Variants in ZMYM4 observed in about 807,000 individuals in gnomAD.
ZMYM4 encodes the protein zinc finger MYM-type containing 4.
In ZMYM4, 31 loss-of-function variants were observed where a neutral mutation model predicts 183.2. The ratio of observed to expected loss-of-function variants is 0.17; its 90% CI spans 0.13 to 0.23. The LOEUF (loss-of-function observed/expected upper bound fraction) is 0.23. Ranked by LOEUF, ZMYM4 falls within the 10% of genes least tolerant of loss-of-function variation. The probability of loss-of-function intolerance (pLI) is 1.00; values close to 1 mark genes in which losing one functional copy is unlikely to be tolerated. For missense variants in ZMYM4, 1,273 were observed against 1,840.3 expected (o/e 0.69, Z 5.64); for synonymous variants, 592 against 631.2 (o/e 0.94, Z 0.93).
chr1:35,397,097 T>C (rs1644822415), intron 19 of ZMYM4: 1 of 1,062,146 alleles, frequency 9.4e-7, no homozygotes, highest in Non-Finnish European at 1.1e-6. Context: ...TTGTGAGAAA[T>C]ACAAGCAAAA....
intron 1 of ZMYM4, among the ~76,000 whole-genome samples, chr1:35,272,090 G>A (rs987674715): frequency 7.9e-5 from 12 of 151,346 alleles, no homozygotes; most frequent in Non-Finnish European, 1.3e-4. Context: ...ACTTTTTTTT[G>A]GTGTGTGCCA....
chr1:35,398,273 A>G (rs1644843586), intron 20 of ZMYM4, 140 bp from the exon 21 acceptor site: 1 of 691,662 alleles, frequency 1.4e-6, no homozygotes. Flanking sequence ...TAATTTTGTT[A>G]ATGAATTATT....
At chr1:35,356,354 A>G (rs1022791827) in intron 2 of ZMYM4, among the ~76,000 whole-genome samples, 1 of 152,214 alleles carries the variant, frequency 6.6e-6, no homozygotes, top group African/African-American at 2.4e-5. Flanking sequence ...TCATTTATGA[A>G]AAATTACAGA....
chr1:35,268,972 G>A lies in ZMYM4; in HGVS notation c.-75G>A. On this transcript the variant is annotated 5_prime_UTR_variant, in exon 1 of 30. Coordinates refer to ENST00000314607, the MANE Select transcript of ZMYM4 (RefSeq NM_005095.3). ...CGCGAGGCGGCCGTGCCTGCAGTGTGGGCGGGGGCCGGGGGGCCGAGAGGT... is the reference window on the plus strand; with the variant it reads ...CGCGAGGCGGCCGTGCCTGCAGTGTAGGCGGGGGCCGGGGGGCCGAGAGGT... The A allele has an allele frequency of 1.4e-6, 2 of 1,466,134 alleles. No homozygotes were observed. Among genetic ancestry groups the A allele is most frequent in the Non-Finnish European group, 1.8e-6 (2 of 1,106,098 alleles). The allele number at this position is 1,466,134 out of a possible 1,614,324, so 90.8% of individuals were successfully genotyped here. A position where few individuals can be genotyped will look rare whatever the true frequency, so the allele number is the denominator to read the frequency against.
Position 35,389,926 on chromosome 1 carries a change from T to C in ZMYM4, c.2437-22T>C, listed in dbSNP as rs1364118566. 1 of 1,598,054 alleles carries C rather than the reference T, an allele frequency of 6.3e-7. No homozygotes were observed. The highest frequency in any genetic ancestry group is 8.6e-7 in the Non-Finnish European group (1 of 1,168,586). On this transcript the variant is annotated intron_variant, in intron 14 of 29. Coordinates refer to ENST00000314607, the MANE Select transcript of ZMYM4 (RefSeq NM_005095.3). The surrounding 1 kb of genome is among the most constrained non-coding windows in gnomAD (Gnocchi z 4.0). ...CCACAGATAATTTGTTTCTTACTCC[T>C]TGACTACCTTCTTCTTTTTAGATGG...
At chr1:35,381,232 C>T in intron 7 of ZMYM4, 27 bp from the exon 8 acceptor site, 2 of 1,536,412 alleles carry the variant, frequency 1.3e-6, no homozygotes, top group Non-Finnish European at 1.8e-6. Context: ...TATACCATGG[C>T]TTATGTTATT....
chr1:35,289,127 A>T (rs1199333847), intron 1 of ZMYM4, among the ~76,000 whole-genome samples: 4 of 152,240 alleles, frequency 2.6e-5, no homozygotes, highest in Admixed American at 1.3e-4. Context: ...ACAGCATAAG[A>T]TAATATGATA....
At chr1:35,387,391 G>A in intron 12 of ZMYM4, 63 bp from the exon 13 acceptor site, 1 of 1,569,450 alleles carries the variant, frequency 6.4e-7, no homozygotes, top group South Asian at 1.2e-5. Flanking sequence ...AAGTAAGGGA[G>A]ATAAGGAGTT....
chr1:35,271,455 T>C (rs147286581), intron 1 of ZMYM4, among the ~76,000 whole-genome samples: 2,536 of 152,198 alleles, frequency 0.017, 65 homozygotes, highest in African/African-American at 0.057. Flanking sequence ...CAGGCTAGAG[T>C]GCGGTGGCGC....
At chr1:35,403,143 T>C (rs1372243456) in intron 23 of ZMYM4, among the ~76,000 whole-genome samples, 1 of 152,180 alleles carries the variant, frequency 6.6e-6, no homozygotes, top group African/African-American at 2.4e-5. Context: ...GGTTTTCCTT[T>C]TTTTAAGTCT....
Position 35,325,354 on chromosome 1 carries a change from T to C in ZMYM4, c.40-6T>C. 1 of 1,603,356 alleles carries C rather than the reference T, an allele frequency of 6.2e-7. No individual in the cohort carries two copies. Among genetic ancestry groups the C allele is most frequent in the Non-Finnish European group, 8.5e-7 (1 of 1,174,088 alleles). On this transcript the variant is annotated splice_region_variant and splice_polypyrimidine_tract_variant and intron_variant, in intron 1 of 29. Coordinates refer to ENST00000314607, the MANE Select transcript of ZMYM4 (RefSeq NM_005095.3). ...AATGTTACTTTTTCCTTTTTTGCTT[T>C]TCCAGTTTGAACAAAAAAGTGGTGC...
At chr1:35,351,061 T>C (rs1439683462) in intron 2 of ZMYM4, 9 of 847,218 alleles carry the variant, frequency 1.1e-5, no homozygotes, top group Admixed American at 1.7e-5. Context: ...AGGTTTGGCA[T>C]GGACAAGATC....
intron 17 of ZMYM4, 37 bp from the exon 18 acceptor site, chr1:35,393,558 A>C: frequency 2.6e-6 from 4 of 1,539,808 alleles, no homozygotes; most frequent in Non-Finnish European, 3.5e-6. Flanking sequence ...TGAGATTTTT[A>C]AAAATGTTTT....
In ZMYM4 at chr1:35,298,787, A is replaced by G. The variant is rs186161947; in HGVS notation, c.40-26573A>G. 9.2e-5 allele frequency among the ~76,000 whole-genome samples: 14 copies of G among 152,322 alleles called. 2 individuals are homozygous for G. The highest frequency in any genetic ancestry group is 2.9e-4 in the African/African-American group (12 of 41,574). On this transcript the variant is annotated intron_variant, in intron 1 of 29. Coordinates refer to ENST00000314607, the MANE Select transcript of ZMYM4 (RefSeq NM_005095.3). ...CAAAGGAGAAAGTTTTGCAGGGTCC[A>G]TCTCCATTATGTAAAGCAGGGCAGA...
intron 23 of ZMYM4, among the ~76,000 whole-genome samples, chr1:35,401,878 A>G (rs12043197): frequency 0.033 from 4,956 of 152,230 alleles, 260 homozygotes; most frequent in East Asian, 0.24. Flanking sequence ...TCCCCATTGA[A>G]TTACATTGGC....
chr1:35,337,228 G>A (rs1235732848), intron 2 of ZMYM4, among the ~76,000 whole-genome samples: 1 of 152,088 alleles, frequency 6.6e-6, no homozygotes, highest in Non-Finnish European at 1.5e-5. Flanking sequence ...TGGATGTGAT[G>A]TTGCACGCCT....
chr1:35,372,649 T>C (rs896881429), intron 7 of ZMYM4, among the ~76,000 whole-genome samples: 1 of 152,216 alleles, frequency 6.6e-6, no homozygotes, highest in African/African-American at 2.4e-5. Context: ...CCTTCAATGC[T>C]TGGGACCAGA....
intron 1 of ZMYM4, among the ~76,000 whole-genome samples, chr1:35,272,944 G>C (rs1639691691): frequency 6.6e-6 from 1 of 152,074 alleles, no homozygotes; most frequent in Admixed American, 6.6e-5. Context: ...TCGATCTCCT[G>C]ACCTCGTGAT....
Position 35,315,462 on chromosome 1 carries a change from G to T in ZMYM4, c.40-9898G>T, listed in dbSNP as rs573821693. On this transcript the variant is annotated intron_variant, in intron 1 of 29. Coordinates refer to ENST00000314607, the MANE Select transcript of ZMYM4 (RefSeq NM_005095.3). ...GAAATGTGTATTACAGACAATAAGT[G>T]TACCTACAGCAAGTTGACAGTTAGC... 2.0e-5 allele frequency among the ~76,000 whole-genome samples: 3 copies of T among 152,108 alleles called. 1 individual carries two copies. In the South Asian group the frequency reaches 6.2e-4, roughly 32 times the overall value.
Sources: allele counts gnomAD v4.1 joint callset (sites outside exome capture counted in the v4.1 genomes callset), GRCh38; gene constraint gnomAD v4.1.1; non-coding constraint Gnocchi (gnomAD v3.1); transcripts MANE v1.5; gene names NCBI Gene and HGNC (gene_info 2026-07-23, HGNC 2026-07-21).